COL5A3: variants seen among roughly 807,000 people sequenced by gnomAD.
COL5A3 encodes collagen type V alpha 3 chain, also known as collagen alpha-3(V) chain.
In COL5A3, 172 loss-of-function variants were observed where a neutral mutation model predicts 250.0. That is an observed-to-expected ratio of 0.69 (90% confidence interval 0.61 to 0.78). COL5A3 has a LOEUF of 0.78. COL5A3 is among the 30% of genes least tolerant of loss of function. COL5A3 has a pLI of 0.00. For synonymous variants in COL5A3, 937 were observed against 900.4 expected (o/e 1.04, Z -0.73); for missense variants, 2,340 against 2,334.4 (o/e 1.00, Z -0.05).
rs1406737917 is a variant in COL5A3, at chr19:9,993,529, G to A, written c.1695+90C>T. The A allele has an allele frequency of 5.1e-6, 8 of 1,575,032 alleles. No individual in the cohort carries two copies. The East Asian group carries it at 1.8e-4, about 35-fold the overall frequency. On this transcript the variant is annotated intron_variant, in intron 18 of 66. Coordinates refer to ENST00000264828, the MANE Select transcript of COL5A3 (RefSeq NM_015719.4). ...GATGGGGTGTGAGGAGGGACACAGG[G>A]ATCATGACTCTGATACTGAGGGAGA...
At chr19:10,005,085 G>A (rs1251290538) in intron 4 of COL5A3, among the ~76,000 whole-genome samples, 3 of 152,108 alleles carry the variant, frequency 2.0e-5, no homozygotes, top group East Asian at 1.9e-4. Flanking sequence ...GGCCAGGCGC[G>A]GTGGCTCATA....
chr19:9,960,866 A>G lies in COL5A3; in HGVS notation c.4876T>C (p.Ser1626Pro). Residue 1626 changes from serine (S) to proline (P), a missense_variant, in exon 66 of 67, where the codon TCC becomes CCC. By Grantham distance (74) the Ser-to-Pro change is moderately conservative. Around this residue, in one of 3 missense-constraint regions of COL5A3, gnomAD observed 1,179 missense variants for 1,162.6 expected, o/e 1.01. Coordinates refer to ENST00000264828, the MANE Select transcript of COL5A3 (RefSeq NM_015719.4). ...TTCAGCTGCACGACATTCACTGGGG[A>G]CCCGTCGGCGTCCACGTAGGAGAAC... ...KKFSYVDADG[S>P]PVNVVQLNFL... The G allele has an allele frequency of 6.2e-7, 1 of 1,608,140 alleles. No homozygotes were observed. Among genetic ancestry groups the G allele is most frequent in the Non-Finnish European group, 8.5e-7 (1 of 1,179,956 alleles).
In COL5A3 at chr19:9,960,774, G is replaced by C. The variant is rs377351674; in HGVS notation, c.4968C>G (p.Ala1656=). ...AGTCACCCGTGGCTTCGTCCAGCCA[G>C]GCAGCTGCATTCTGGCAGGAGTAGG... ...NFTYSCQNAA[A]WLDEATGDYS... The change falls in exon 66 of 67, where the codon GCC becomes GCG. Residue 1656 remains alanine (A), a synonymous_variant. Transcript: ENST00000264828. 6.2e-6 allele frequency: 10 copies of C among 1,614,044 alleles called. No individual in the cohort carries two copies. In the African/African-American group the frequency reaches 6.7e-5, roughly 11 times the overall value.
chr19:9,966,456 T>C, intron 63 of COL5A3, 30 bp from the exon 64 acceptor site: 1 of 1,580,810 alleles, frequency 6.3e-7, no homozygotes, highest in East Asian at 2.3e-5. Flanking sequence ...GGTGGGTGAG[T>C]CCGGATGGGA....
chr19:9,992,758 C>A, intron 21 of COL5A3, 69 bp downstream of exon 21: 1 of 1,509,148 alleles, frequency 6.6e-7, no homozygotes, highest in Non-Finnish European at 9.1e-7. Flanking sequence ...GCCTGGGCGA[C>A]AGAGCGAGAC....
intron 30 of COL5A3, 106 bp from the exon 31 acceptor site, chr19:9,986,001 TG>T: frequency 3.0e-6 from 3 of 1,009,052 alleles, no homozygotes; most frequent in Non-Finnish European, 4.6e-6. Context: ...GGATGGGAGT[TG>T]GGGAAACGAG....
In COL5A3 at chr19:9,971,007, C is replaced by T. The variant is rs778428649; in HGVS notation, c.3850G>A (p.Glu1284Lys). 8.3e-6 allele frequency: 13 copies of T among 1,557,808 alleles called. No homozygotes were observed. The highest frequency in any genetic ancestry group is 2.4e-5 in the East Asian group (1 of 42,202). ...GVSGIDGSPGEKGDPGDVGGP... is the reference protein window; with the variant it reads ...GVSGIDGSPGKKGDPGDVGGP... ...CCAACATCACCAGGGTCTCCCTTCT[C>T]CCCTGGGGAACCATCTATGCCCTGC... is the stretch of plus-strand genomic sequence containing the variant. The change falls in exon 53 of 67, where the codon GAG (glutamate) becomes AAG (lysine). Residue 1284 changes from glutamate to lysine, a missense_variant. Physicochemically the swap from Glu to Lys is moderately conservative, Grantham distance 56. This residue lies in a region of COL5A3 where 1,179 missense variants were observed against 1,162.6 expected (regional missense o/e 1.01). Transcript: ENST00000264828.
intron 11 of COL5A3, 101 bp from the exon 12 acceptor site, chr19:9,996,790 AGG>A: frequency 1.2e-6 from 1 of 821,042 alleles, no homozygotes; most frequent in Non-Finnish European, 1.9e-6. Context: ...AGAGAGAGAG[AGG>A]GAGAGATGGA....
intron 41 of COL5A3, among the ~76,000 whole-genome samples, chr19:9,977,947 C>CACAT (rs1325124285): frequency 7.3e-4 from 77 of 106,164 alleles, no homozygotes; most frequent in Admixed American, 3.6e-3. Context: ...GCAGCCTATA[C>CACAT]ATATATATAT....
At chr19:9,982,711 C>T (rs1334050112) in intron 31 of COL5A3, among the ~76,000 whole-genome samples, 6 of 152,152 alleles carry the variant, frequency 3.9e-5, no homozygotes, top group African/African-American at 9.7e-5. Context: ...TCTCCCACAC[C>T]TCACTGTGCA....
chr19:9,985,825 C>G lies in COL5A3; in HGVS notation c.2406+17G>C, dbSNP rs751580672. The G allele has an allele frequency of 1.9e-6, 3 of 1,610,304 alleles. No homozygotes were observed. The highest frequency in any genetic ancestry group is 1.7e-6 in the Non-Finnish European group (2 of 1,177,448). On this transcript the variant is annotated intron_variant, in intron 31 of 66. Coordinates refer to ENST00000264828, the MANE Select transcript of COL5A3 (RefSeq NM_015719.4). Reference sequence around the variant, plus strand: ...CCTGCCCATATCCATCTCCACCCCCCACCCCCAGCTTCCTACCTTAGGTCC... The same window carrying G: ...CCTGCCCATATCCATCTCCACCCCCGACCCCCAGCTTCCTACCTTAGGTCC...
At chr19:10,003,921 A>T in intron 5 of COL5A3, 120 bp downstream of exon 5, 2 of 1,025,442 alleles carry the variant, frequency 2.0e-6, no homozygotes, top group African/African-American at 1.6e-5. Context: ...GATGTGTTGG[A>T]GGTCACGGGT....
At chr19:9,994,014 C>T (rs900834365) in intron 16 of COL5A3, among the ~76,000 whole-genome samples, 1 of 151,960 alleles carries the variant, frequency 6.6e-6, no homozygotes, top group Non-Finnish European at 1.5e-5. Context: ...TGCCACCAGG[C>T]CTGGCTAATT....
chr19:9,969,251 TCAGTGAGGGCTAGC>T, intron 57 of COL5A3, 84 bp downstream of exon 57: 1 of 1,050,920 alleles, frequency 9.5e-7, no homozygotes, highest in Non-Finnish European at 1.4e-6. Flanking sequence ...AGATGGATGG[TCAGTGAGGGCTAGC>T]CTGCACCAAT....
intron 1 of COL5A3, among the ~76,000 whole-genome samples, chr19:10,008,253 G>T (rs1276971085): frequency 2.0e-5 from 3 of 152,170 alleles, no homozygotes; most frequent in Non-Finnish European, 4.4e-5. Flanking sequence ...AGGAAAGAGG[G>T]TCTTCCCTCA....
At chr19:9,980,591 ATCTC>A (rs59038787) in intron 35 of COL5A3, 53 bp downstream of exon 35, 12 of 1,505,536 alleles carry the variant, frequency 8.0e-6, no homozygotes, top group Admixed American at 3.8e-5. Context: ...TCCACTCAGA[ATCTC>A]TCTCTCTCAC....
chr19:9,995,520 G>A, intron 16 of COL5A3, 44 bp downstream of exon 16: 2 of 1,558,758 alleles, frequency 1.3e-6, no homozygotes, highest in Non-Finnish European at 8.7e-7. Context: ...GTTGGGTGTT[G>A]AGGGATGGAT....
intron 4 of COL5A3, among the ~76,000 whole-genome samples, chr19:10,004,620 C>A (rs1480866586): frequency 6.6e-6 from 1 of 152,292 alleles, no homozygotes; most frequent in South Asian, 2.1e-4. Context: ...TATGAGCCAC[C>A]GCGCCCGGCC....
chr19:9,981,967 C>A, intron 32 of COL5A3, 98 bp downstream of exon 32: 1 of 920,358 alleles, frequency 1.1e-6, no homozygotes, highest in Non-Finnish European at 1.8e-6. Flanking sequence ...CAGGCATAGA[C>A]ACAAACACCC....
Sources: allele counts gnomAD v4.1 joint callset (sites outside exome capture counted in the v4.1 genomes callset), GRCh38; gene constraint gnomAD v4.1.1; regional missense constraint gnomAD v4.1.1; transcripts MANE v1.5; gene names NCBI Gene and HGNC (gene_info 2026-07-23, HGNC 2026-07-21).